Variants in ATXN3 observed in about 807,000 individuals in gnomAD.
ATXN3 encodes ataxin-3.
A neutral mutation model predicts 58.2 loss-of-function variants in ATXN3; 28 were observed. The observed-to-expected ratio is 0.48, with a 90% CI of 0.36 to 0.66. ATXN3 has a LOEUF of 0.66. Ranked by LOEUF, ATXN3 falls within the 30% of genes least tolerant of loss-of-function variation. The probability of loss-of-function intolerance (pLI) is 0.00; values close to 1 mark genes in which losing one functional copy is unlikely to be tolerated. For synonymous variants in ATXN3, 113 were observed against 138.5 expected (o/e 0.82, Z 1.29); for missense variants, 321 against 422.1 (o/e 0.76, Z 2.10).
intron 10 of ATXN3, among the ~76,000 whole-genome samples, chr14:92,068,825 G>A (rs1371409605): frequency 6.6e-6 from 1 of 151,992 alleles, no homozygotes; most frequent in African/African-American, 2.4e-5. Context: ...CCCAACCTTA[G>A]GTGATCCACC....
chr14:92,060,343 G>T lies in ATXN3; in HGVS notation c.*3977C>A, dbSNP rs1157706034. On this transcript the variant is annotated 3_prime_UTR_variant, in exon 11 of 11. Coordinates refer to ENST00000644486, the MANE Select transcript of ATXN3 (RefSeq NM_004993.6). ...TGCAGTGGTGAGCCCTTGGCACTCT[G>T]CAACCTCTGCCTCCTAGGCTCATGC... is the stretch of plus-strand genomic sequence containing the variant. 6.7e-6 allele frequency: 1 copy of T among 148,720 alleles called. No homozygotes were observed. Among genetic ancestry groups the T allele is most frequent in the Non-Finnish European group, 1.5e-5 (1 of 67,658 alleles). The allele number at this position is 148,720 out of a possible 1,614,324, so 9.2% of individuals were successfully genotyped here. A position where few individuals can be genotyped will look rare whatever the true frequency, so the allele number is the denominator to read the frequency against.
upstream of ATXN3, among the ~76,000 whole-genome samples, chr14:92,051,895 T>G (rs1277902173): frequency 6.8e-6 from 1 of 147,804 alleles, no homozygotes; most frequent in Non-Finnish European, 1.5e-5. Flanking sequence ...GCCCGGCTAA[T>G]TTTTGTATTT....
At chr14:92,097,092 A>G (rs947653996) in intron 1 of ATXN3, among the ~76,000 whole-genome samples, 1 of 151,528 alleles carries the variant, frequency 6.6e-6, no homozygotes, top group Non-Finnish European at 1.5e-5. Context: ...TATTTTTAGT[A>G]GAGACGGGGT....
intron 6 of ATXN3, among the ~76,000 whole-genome samples, chr14:92,086,424 G>A (rs1415666846): frequency 1.3e-5 from 2 of 151,814 alleles, no homozygotes; most frequent in East Asian, 3.9e-4. Flanking sequence ...AATTAGCCAG[G>A]CATGGTGGCA....
At chr14:92,077,133 T>C (rs1042548928) in intron 9 of ATXN3, among the ~76,000 whole-genome samples, 1 of 152,022 alleles carries the variant, frequency 6.6e-6, no homozygotes, top group African/African-American at 2.4e-5. Context: ...ATAAGAATTG[T>C]TCATTGCAAT....
At chr14:92,072,934 G>A (rs1267635098) in intron 9 of ATXN3, among the ~76,000 whole-genome samples, 1 of 152,162 alleles carries the variant, frequency 6.6e-6, no homozygotes, top group African/African-American at 2.4e-5. Context: ...TGGTCTCTGA[G>A]CCAGAATACT....
At chr14:92,077,284 A>G (rs895875211) in intron 9 of ATXN3, among the ~76,000 whole-genome samples, 2 of 152,174 alleles carry the variant, frequency 1.3e-5, no homozygotes, top group African/African-American at 4.8e-5. Context: ...GTAAGTGTGT[A>G]TATGTCACAG....
In ATXN3 at chr14:92,085,410, C is replaced by CA. The variant is rs548232356; in HGVS notation, c.476-2153dup. Reference sequence around the variant, plus strand: ...ACCATGTTGGCCAGGCTGGTCTCATCAACTCCTGACCTCAAGTGATCTGCC... The same window carrying CA: ...ACCATGTTGGCCAGGCTGGTCTCATCAAACTCCTGACCTCAAGTGATCTGCC... On this transcript the variant is annotated intron_variant, in intron 6 of 10. Transcript: ENST00000644486. 1.4e-3 allele frequency among the ~76,000 whole-genome samples: 215 copies of CA among 152,038 alleles called. 1 individual carries two copies. The highest frequency in any genetic ancestry group is 2.5e-3 in the Admixed American group (38 of 15,254).
At chr14:92,091,587 A>G (rs77026122) in intron 5 of ATXN3, among the ~76,000 whole-genome samples, 1 of 152,248 alleles carries the variant, frequency 6.6e-6, no homozygotes, top group East Asian at 1.9e-4. Flanking sequence ...GATTTAATTC[A>G]ATATATTTTC....
intron 9 of ATXN3, among the ~76,000 whole-genome samples, chr14:92,075,967 T>C (rs1016064149): frequency 5.3e-5 from 8 of 152,348 alleles, no homozygotes; most frequent in South Asian, 2.1e-4. Flanking sequence ...TAACCATCAC[T>C]GCACACTTTC....
intron 6 of ATXN3, among the ~76,000 whole-genome samples, chr14:92,084,869 C>T (rs986228667): frequency 2.0e-5 from 3 of 152,046 alleles, no homozygotes; most frequent in East Asian, 1.9e-4. Flanking sequence ...TGTGAGCCAC[C>T]GCGCCTAGCA....
At chr14:92,084,598 A>G (rs1414822078) in intron 6 of ATXN3, among the ~76,000 whole-genome samples, 1 of 149,330 alleles carries the variant, frequency 6.7e-6, no homozygotes, top group African/African-American at 2.5e-5. Flanking sequence ...TTAATTTGAG[A>G]TGGAGTCTCA....
intron 10 of ATXN3, among the ~76,000 whole-genome samples, chr14:92,069,371 C>CTTTTTT (rs34755730): frequency 1.1e-5 from 1 of 92,570 alleles, no homozygotes; most frequent in Non-Finnish European, 2.0e-5. Flanking sequence ...GTGTCCAGCC[C>CTTTTTT]TTTTTTTTTT....
intron 4 of ATXN3, 80 bp downstream of exon 4, chr14:92,093,666 A>C (rs1265331917): frequency 9.0e-7 from 1 of 1,112,696 alleles, no homozygotes; most frequent in East Asian, 2.4e-5. Flanking sequence ...TTCAAAATGT[A>C]TTTCTCTTCT....
At chr14:92,106,167 A>T (rs1187397464) in intron 1 of ATXN3, among the ~76,000 whole-genome samples, 1 of 151,996 alleles carries the variant, frequency 6.6e-6, no homozygotes, top group African/African-American at 2.4e-5. Flanking sequence ...CTCTAGCTAG[A>T]CCCTAGGGAG....
At chr14:92,051,727 T>C (rs1299892874), upstream of ATXN3, among the ~76,000 whole-genome samples, 1 of 114,086 alleles carries the variant, frequency 8.8e-6, no homozygotes, top group African/African-American at 3.5e-5. Flanking sequence ...TCTTTTTTTT[T>C]TTTTTTTTTT....
At chr14:92,092,715 T>C (rs1328278565) in intron 5 of ATXN3, among the ~76,000 whole-genome samples, 1 of 152,106 alleles carries the variant, frequency 6.6e-6, no homozygotes, top group East Asian at 1.9e-4. Flanking sequence ...CACAAATAAA[T>C]TTATAAGGAA....
chr14:92,089,528 C>T (rs1176261492), intron 5 of ATXN3, among the ~76,000 whole-genome samples: 4 of 151,698 alleles, frequency 2.6e-5, no homozygotes, highest in African/African-American at 2.4e-5. Flanking sequence ...TTAGTAGAGA[C>T]AGGGTTTCAC....
intron 9 of ATXN3, among the ~76,000 whole-genome samples, chr14:92,075,194 T>C (rs10135695): frequency 0.29 from 42,408 of 147,224 alleles, 6,628 homozygotes; most frequent in East Asian, 0.45. Context: ...GATGGAGTCT[T>C]GCTCTTGTCG....
Sources: gnomAD v4.1 joint callset for allele counts (sites outside exome capture counted in the v4.1 genomes callset) on GRCh38, gnomAD v4.1.1 for gene constraint, MANE v1.5 for transcripts, NCBI Gene and HGNC (gene_info 2026-07-23, HGNC 2026-07-21) for gene names.